The following OR10J1 variants were observed in gnomAD, a reference collection of about 807,000 sequenced individuals.
The protein encoded by OR10J1 is olfactory receptor 10J1.
For synonymous variants in OR10J1, 202 were observed against 143.8 expected (o/e 1.40, Z -2.89); for missense variants, 474 against 376.6 (o/e 1.26, Z -2.14).
the OR10J1 span, among the ~76,000 whole-genome samples, chr1:159,422,174 G>A: frequency 2.6e-5 from 4 of 152,114 alleles, no homozygotes; most frequent in African/African-American, 4.8e-5. Context: ...GGCCTCAAAC[G>A]GTGTGCCGAG....
At chr1:159,416,283 G>A in the OR10J1 span, among the ~76,000 whole-genome samples, 2 of 151,824 alleles carry the variant, frequency 1.3e-5, no homozygotes, top group Non-Finnish European at 2.9e-5. Flanking sequence ...AGGCTTTCAG[G>A]TTTTCCCCAT....
chr1:159,404,718 G>T, the OR10J1 span, among the ~76,000 whole-genome samples: 3 of 152,128 alleles, frequency 2.0e-5, no homozygotes, highest in Admixed American at 2.0e-4. Flanking sequence ...AAGTGACAAT[G>T]ATAAGAGAAC....
chr1:159,428,925 T>C, the OR10J1 span, among the ~76,000 whole-genome samples: 15,816 of 152,220 alleles, frequency 0.1, 1,076 homozygotes, highest in East Asian at 0.21. Flanking sequence ...AAGAGAAAGA[T>C]ACAAACTGGG....
chr1:159,426,921 T>G, the OR10J1 span, among the ~76,000 whole-genome samples: 2 of 151,910 alleles, frequency 1.3e-5, no homozygotes, highest in Non-Finnish European at 2.9e-5. Flanking sequence ...AAATATTTAC[T>G]CATTCAGTCT....
the OR10J1 span, among the ~76,000 whole-genome samples, chr1:159,421,630 T>A: frequency 6.6e-6 from 1 of 152,170 alleles, no homozygotes; most frequent in Non-Finnish European, 1.5e-5. Context: ...TACAGTGGTG[T>A]AGTGTCTCTA....
chr1:159,430,668 T>C, the OR10J1 span, among the ~76,000 whole-genome samples: 280 of 69,704 alleles, frequency 4.0e-3, 2 homozygotes, highest in African/African-American at 5.5e-3. Context: ...TGTGTGTGTG[T>C]GCGCGCGCGC....
At chr1:159,402,886 C>G in the OR10J1 span, among the ~76,000 whole-genome samples, 31 of 152,056 alleles carry the variant, frequency 2.0e-4, no homozygotes, top group Non-Finnish European at 4.1e-4. Context: ...GTAACCAAAA[C>G]AGCATACTAG....
chr1:159,431,665 C>G, the OR10J1 span, among the ~76,000 whole-genome samples: 24 of 152,284 alleles, frequency 1.6e-4, no homozygotes, highest in East Asian at 4.1e-3. Flanking sequence ...GAGTGATATG[C>G]ATACAGAAGA....
At chr1:159,428,938 C>T in the OR10J1 span, among the ~76,000 whole-genome samples, 54 of 152,310 alleles carry the variant, frequency 3.5e-4, no homozygotes, top group East Asian at 9.5e-3. Flanking sequence ...AAACTGGGCA[C>T]CAGAACTAGG....
the OR10J1 span, chr1:159,405,279 T>C: frequency 2.0e-5 from 3 of 152,184 alleles, no homozygotes; most frequent in Non-Finnish European, 2.9e-5. Context: ...CCAACATGAA[T>C]CTTCCATTTT....
Position 159,440,699 on chromosome 1 carries a change from C to A in OR10J1, c.908C>A (p.Ala303Asp). ...GAGGTCAAAGATGCTCTGTGCAGGG[C>A]TGTTGGTGGGAAGTTTTCCTGACCA... The part of the protein sequence containing the change: ...NKEVKDALCR[A>D]VGGKFS The change falls in exon 1 of 1, where the codon GCT (alanine) becomes GAT (aspartate). Residue 303 changes from alanine (A) to aspartate (D), a missense_variant. Physicochemically the swap from Ala to Asp is moderately radical, Grantham distance 126 (BLOSUM62 -2). Coordinates refer to ENST00000423932, the MANE Select transcript of OR10J1 (RefSeq NM_012351.3). 6.2e-7 allele frequency: 1 copy of A among 1,608,136 alleles called. No individual in the cohort carries two copies.
At chr1:159,430,879 T>C in the OR10J1 span, among the ~76,000 whole-genome samples, 2 of 152,200 alleles carry the variant, frequency 1.3e-5, no homozygotes, top group Admixed American at 1.3e-4. Flanking sequence ...ATTATTCTAT[T>C]TTGTAGATGA....
chr1:159,419,828 T>G, the OR10J1 span, among the ~76,000 whole-genome samples: 1 of 152,232 alleles, frequency 6.6e-6, no homozygotes, highest in Non-Finnish European at 1.5e-5. Context: ...GCTTTGTAAA[T>G]GCCTTTTCGG....
At chr1:159,400,514 C>A in the OR10J1 span, among the ~76,000 whole-genome samples, 1 of 150,420 alleles carries the variant, frequency 6.6e-6, no homozygotes, top group Non-Finnish European at 1.5e-5. Flanking sequence ...GTCACTTCAG[C>A]AAGGGGATAT....
At chr1:159,410,990 C>T in the OR10J1 span, among the ~76,000 whole-genome samples, 1 of 152,032 alleles carries the variant, frequency 6.6e-6, no homozygotes, top group Non-Finnish European at 1.5e-5. Context: ...TTCTTCAGTT[C>T]CCATGTAGTT....
At chr1:159,411,927 T>C in the OR10J1 span, among the ~76,000 whole-genome samples, 14,586 of 152,044 alleles carry the variant, frequency 0.096, 2,302 homozygotes, top group African/African-American at 0.33. Flanking sequence ...TGATTGTATA[T>C]CTAGAAAACC....
chr1:159,438,180 T>C (rs958941098), upstream of OR10J1: 1 of 152,224 alleles, frequency 6.6e-6, no homozygotes, highest in Non-Finnish European at 1.5e-5. Flanking sequence ...TCCATTTCCT[T>C]TGAAGAATTA....
At chr1:159,417,902 G>A in the OR10J1 span, among the ~76,000 whole-genome samples, 3 of 152,296 alleles carry the variant, frequency 2.0e-5, no homozygotes, top group South Asian at 2.1e-4. Flanking sequence ...AGATGGAGAT[G>A]AGAAACCTGT....
chr1:159,424,606 A>G, the OR10J1 span, among the ~76,000 whole-genome samples: 6 of 151,914 alleles, frequency 3.9e-5, no homozygotes, highest in South Asian at 2.1e-4. Context: ...GGCTTCTACA[A>G]AAAGAAAACT....
Sources: gnomAD v4.1 joint callset for allele counts (sites outside exome capture counted in the v4.1 genomes callset) on GRCh38, gnomAD v4.1.1 for gene constraint, MANE v1.5 for transcripts, NCBI Gene and HGNC (gene_info 2026-07-23, HGNC 2026-07-21) for gene names.